The following LMAN2L variants were observed in gnomAD, a reference collection of about 807,000 sequenced individuals.
The protein encoded by LMAN2L is lectin, mannose binding 2 like.
A neutral mutation model predicts 44.3 loss-of-function variants in LMAN2L; 30 were observed. That is an observed-to-expected ratio of 0.68 (90% confidence interval 0.51 to 0.92). LMAN2L has a LOEUF of 0.92. Ranked by LOEUF, LMAN2L falls within the 40% of genes least tolerant of loss-of-function variation. The pLI is 0.00. For missense variants in LMAN2L, 429 were observed against 446.1 expected, an observed-to-expected ratio of 0.96 and a Z score of 0.35; for synonymous variants, 183 against 171.1, an observed-to-expected ratio of 1.07 and a Z score of -0.54.
At chr2:96,719,546 A>C (rs1017048118) in intron 4 of LMAN2L, among the ~76,000 whole-genome samples, 2 of 152,014 alleles carry the variant, frequency 1.3e-5, no homozygotes, top group African/African-American at 4.8e-5. Context: ...CCAAGAGTTC[A>C]AGACCAGCCT....
intron 4 of LMAN2L, among the ~76,000 whole-genome samples, chr2:96,722,720 A>T (rs1021384049): frequency 6.6e-6 from 1 of 152,366 alleles, no homozygotes; most frequent in Middle Eastern, 3.4e-3. Flanking sequence ...ATGAACATTC[A>T]TATAAAAGTT....
intron 4 of LMAN2L, among the ~76,000 whole-genome samples, chr2:96,716,441 C>T (rs1345078392): frequency 6.6e-6 from 1 of 152,188 alleles, no homozygotes; most frequent in Non-Finnish European, 1.5e-5. Context: ...AGCAGTGTTT[C>T]CATCTCAAAC....
At chr2:96,718,655 G>T (rs1349233198) in intron 4 of LMAN2L, among the ~76,000 whole-genome samples, 1 of 152,112 alleles carries the variant, frequency 6.6e-6, no homozygotes, top group African/African-American at 2.4e-5. Flanking sequence ...TAAGCTGCTG[G>T]TCCTACAATA....
At chr2:96,723,777 T>A (rs1195658852) in intron 4 of LMAN2L, among the ~76,000 whole-genome samples, 7 of 152,196 alleles carry the variant, frequency 4.6e-5, no homozygotes, top group African/African-American at 1.7e-4. Flanking sequence ...CTTTCCCCAT[T>A]GAATTATCTT....
intron 4 of LMAN2L, among the ~76,000 whole-genome samples, chr2:96,733,290 G>T (rs562041561): frequency 6.6e-6 from 1 of 152,218 alleles, no homozygotes; most frequent in South Asian, 2.1e-4. Context: ...GAGAGAACAT[G>T]ATTATCACTA....
chr2:96,712,374 ATATGTACC>A (rs2153322033), intron 4 of LMAN2L, among the ~76,000 whole-genome samples: 1 of 152,302 alleles, frequency 6.6e-6, no homozygotes, highest in East Asian at 1.9e-4. Context: ...CTTTTCGTGT[ATATGTACC>A]TATCTCCCCA....
chr2:96,722,796 G>A (rs1379522436), intron 4 of LMAN2L, among the ~76,000 whole-genome samples: 9 of 152,176 alleles, frequency 5.9e-5, no homozygotes, highest in African/African-American at 9.6e-5. Context: ...CAAGGCGGGC[G>A]GATAACTTGA....
chr2:96,735,951 G>A (rs143517196), intron 2 of LMAN2L, among the ~76,000 whole-genome samples: 3 of 152,306 alleles, frequency 2.0e-5, no homozygotes, highest in African/African-American at 7.2e-5. Context: ...GGTCCAGGCT[G>A]CAGTGAGCTG....
At chr2:96,711,615 AG>A in intron 6 of LMAN2L, 40 bp downstream of exon 6, 1 of 1,313,244 alleles carries the variant, frequency 7.6e-7, no homozygotes, top group Non-Finnish European at 1.1e-6. Context: ...TATTGAGAAG[AG>A]GCCTCAGTCA....
At chr2:96,731,161 C>A (rs1398930313) in intron 4 of LMAN2L, among the ~76,000 whole-genome samples, 1 of 152,162 alleles carries the variant, frequency 6.6e-6, no homozygotes, top group Admixed American at 6.6e-5. Context: ...CCCAGAGTTC[C>A]CCCATCAGCA....
At chr2:96,737,881 C>A in intron 2 of LMAN2L, 68 bp downstream of exon 2, 1 of 864,432 alleles carries the variant, frequency 1.2e-6, no homozygotes, top group South Asian at 1.4e-5. Flanking sequence ...AAAATTAAAT[C>A]AGTATGCCAC....
In LMAN2L at chr2:96,707,077, T is replaced by A. The variant is rs542182165; in HGVS notation, c.*179A>T. 3 of 553,144 alleles carry A rather than the reference T, an allele frequency of 5.4e-6. No homozygotes were observed. Among genetic ancestry groups the A allele is most frequent in the Non-Finnish European group, 9.2e-6 (3 of 326,700 alleles). The allele number at this position is 553,144 out of a possible 1,614,324, so 34.3% of individuals were successfully genotyped here. A position where few individuals can be genotyped will look rare whatever the true frequency, so the allele number is the denominator to read the frequency against. On this transcript the variant is annotated 3_prime_UTR_variant, in exon 8 of 8. Transcript: ENST00000264963. ...GGTGGCTTCCCAGACCAGAGTTAGA[T>A]GTCCCCATGCACAACCATGGGAATG...
intron 4 of LMAN2L, chr2:96,713,088 T>C (rs1228674842): frequency 6.5e-6 from 10 of 1,549,436 alleles, no homozygotes; most frequent in Non-Finnish European, 7.9e-6. Flanking sequence ...ATGCTCATGA[T>C]GAGCCAAGAA....
intron 2 of LMAN2L, among the ~76,000 whole-genome samples, chr2:96,736,435 T>G (rs528179146): frequency 2.0e-5 from 3 of 152,006 alleles, no homozygotes; most frequent in Non-Finnish European, 4.4e-5. Flanking sequence ...AATACAGGTA[T>G]CAGAAGTCGA....
chr2:96,718,912 A>G (rs2078094913), intron 4 of LMAN2L, among the ~76,000 whole-genome samples: 2 of 152,192 alleles, frequency 1.3e-5, no homozygotes, highest in African/African-American at 4.8e-5. Context: ...ATATAATTGA[A>G]TATCATCACG....
chr2:96,707,972 T>G (rs962919932), intron 6 of LMAN2L, 139 bp from the exon 7 acceptor site: 18 of 835,844 alleles, frequency 2.2e-5, no homozygotes, highest in African/African-American at 6.9e-5. Context: ...CTCTCCATTT[T>G]GCAACTAAAA....
At position 96,734,964 on chromosome 2, in the gene LMAN2L, A is replaced by G. The variant is rs145612747; in HGVS notation, c.307-438T>C. On this transcript the variant is annotated intron_variant, in intron 2 of 7. Coordinates refer to ENST00000264963, the MANE Select transcript of LMAN2L (RefSeq NM_030805.4). ...TGGATTTAAAGAAAGGTCAAAGCCT[A>G]ATTTATTACAGTAGAAAAAGAAAAG... Among the ~76,000 whole-genome samples the G allele has an allele frequency of 1.5e-3, 225 of 152,362 alleles. 3 individuals carry two copies. The highest frequency in any genetic ancestry group is 8.1e-3 in the Admixed American group (124 of 15,302).
chr2:96,712,076 G>A (rs374072791), intron 4 of LMAN2L, 51 bp from the exon 5 acceptor site: 7 of 1,576,352 alleles, frequency 4.4e-6, no homozygotes, highest in African/African-American at 2.7e-5. Context: ...ACATAGGAAC[G>A]CCTGTACAAA....
At position 96,719,584 on chromosome 2, in the gene LMAN2L, C is replaced by CA. The variant is rs758726961; in HGVS notation, c.508-7560dup. 9.3e-3 allele frequency among the ~76,000 whole-genome samples: 1,310 copies of CA among 141,338 alleles called. 14 individuals are homozygous for CA. The highest frequency in any genetic ancestry group is 0.015 in the South Asian group (68 of 4,482). 92.7% of individuals were successfully genotyped at this position (141,338 alleles called of 152,430 possible). A position where few individuals can be genotyped will look rare whatever the true frequency, so the allele number is the denominator to read the frequency against. ...AAAACATAGCAAGACCGTATCTCTA[C>CA]AAAAAAAAAAAAATTTTTTTTCTTT... On this transcript the variant is annotated intron_variant, in intron 4 of 7. Transcript: ENST00000264963.
Sources: allele counts gnomAD v4.1 joint callset (sites outside exome capture counted in the v4.1 genomes callset), GRCh38; gene constraint gnomAD v4.1.1; transcripts MANE v1.5; gene names NCBI Gene and HGNC (gene_info 2026-07-23, HGNC 2026-07-21).